Variants in WDR70 observed in about 807,000 individuals in gnomAD.
The protein encoded by WDR70 is WD repeat domain 70, also known as WD repeat-containing protein 70.
A neutral mutation model predicts 88.6 loss-of-function variants in WDR70; 53 were observed. That is an observed-to-expected ratio of 0.60 (90% CI 0.48 to 0.75). The LOEUF (loss-of-function observed/expected upper bound fraction) is 0.75, where lower values mean the gene tolerates loss of function less well. Among genes scored for constraint, WDR70 ranks in the 30% least tolerant of loss-of-function variants. The probability of loss-of-function intolerance (pLI) is 0.00; values close to 1 mark genes in which losing one functional copy is unlikely to be tolerated. For synonymous variants in WDR70, 280 were observed against 270.0 expected, an observed-to-expected ratio of 1.04 and a Z score of -0.36; for missense variants, 610 against 823.2, an observed-to-expected ratio of 0.74 and a Z score of 3.17.
intron 9 of WDR70, among the ~76,000 whole-genome samples, chr5:37,520,911 G>A (rs1741065636): frequency 6.6e-6 from 1 of 152,212 alleles, no homozygotes; most frequent in South Asian, 2.1e-4. Flanking sequence ...GAGAGACTTT[G>A]TGCAGTGTCT....
intron 10 of WDR70, among the ~76,000 whole-genome samples, chr5:37,634,281 A>G (rs1242003389): frequency 6.9e-6 from 1 of 144,884 alleles, no homozygotes; most frequent in Admixed American, 7.3e-5. Context: ...CCTGGGCGAC[A>G]GTGTGGGACC....
chr5:37,540,887 AT>A, intron 9 of WDR70, among the ~76,000 whole-genome samples: 1 of 152,174 alleles, frequency 6.6e-6, no homozygotes, highest in South Asian at 2.1e-4. Flanking sequence ...TTGATATTTT[AT>A]TTTTTTAAAA....
chr5:37,437,789 C>T (rs1272218023), intron 5 of WDR70, 133 bp from the exon 6 acceptor site: 15 of 756,636 alleles, frequency 2.0e-5, no homozygotes, highest in Middle Eastern at 2.8e-4. Context: ...CACTTTTTTG[C>T]TGTTTTTTTA....
chr5:37,723,440 G>T (rs1747883698), intron 15 of WDR70: 1 of 153,408 alleles, frequency 6.5e-6, no homozygotes, highest in African/African-American at 2.4e-5. Context: ...CCTGGGGTAT[G>T]AGTAGAAAGC....
chr5:37,675,671 G>A (rs1284391779), intron 10 of WDR70, among the ~76,000 whole-genome samples: 3 of 152,148 alleles, frequency 2.0e-5, no homozygotes, highest in Admixed American at 2.0e-4. Flanking sequence ...GTAGCGTGAT[G>A]CCTCCAGCTT....
Position 37,693,912 on chromosome 5 carries a change from C to G in WDR70, c.1093-3743C>G, listed in dbSNP as rs1023199228. ...CAAAAGAAACTACCATCAGAGTGAA[C>G]AGGCAACCTACAAAATGGGAGAAAA... On this transcript the variant is annotated intron_variant, in intron 10 of 17. Transcript: ENST00000265107. Among the ~76,000 whole-genome samples, 3 of 152,318 alleles carry G rather than the reference C, an allele frequency of 2.0e-5. No individual in the cohort carries two copies. The South Asian group carries it at 6.2e-4, about 32-fold the overall frequency.
intron 13 of WDR70, among the ~76,000 whole-genome samples, chr5:37,710,387 A>C (rs1747473928): frequency 6.6e-6 from 1 of 151,930 alleles, no homozygotes; most frequent in Non-Finnish European, 1.5e-5. Flanking sequence ...CCAACTCCTA[A>C]GCCCTGGCAT....
Position 37,752,653 on chromosome 5 carries a change from T to G in WDR70, c.*80T>G, listed in dbSNP as rs1212820799. ...GGTTTTTTTTTTATGCTCATGAAAT[T>G]AAAAATTCATTTTTATGAACAGGTT... On this transcript the variant is annotated 3_prime_UTR_variant, in exon 18 of 18. Coordinates refer to ENST00000265107, the MANE Select transcript of WDR70 (RefSeq NM_018034.4). The G allele has an allele frequency of 3.9e-6, 4 of 1,016,840 alleles. No individual in the cohort carries two copies. Among genetic ancestry groups the G allele is most frequent in the Non-Finnish European group, 5.8e-6 (4 of 685,854 alleles). The allele number at this position is 1,016,840 out of a possible 1,614,324, so 63.0% of individuals were successfully genotyped here.
chr5:37,557,924 A>AAGAGTACTCTTTTGAATACTCTTCAAT, intron 9 of WDR70, among the ~76,000 whole-genome samples: 1 of 135,668 alleles, frequency 7.4e-6, no homozygotes, highest in African/African-American at 2.6e-5. Flanking sequence ...AACTCTTCAA[A>AAGAGTACTCTTTTGAATACTCTTCAAT]AGAGTACTCT....
intron 9 of WDR70, among the ~76,000 whole-genome samples, chr5:37,529,658 T>G (rs1208572694): frequency 6.6e-6 from 1 of 152,176 alleles, no homozygotes; most frequent in African/African-American, 2.4e-5. Flanking sequence ...AGCTACTGAT[T>G]TGTGTACATT....
At chr5:37,711,507 A>G (rs568487750) in intron 13 of WDR70, among the ~76,000 whole-genome samples, 1 of 152,270 alleles carries the variant, frequency 6.6e-6, no homozygotes, top group East Asian at 1.9e-4. Context: ...TCTGGTCCTC[A>G]TGGAGTTGGA....
chr5:37,697,572 A>G, intron 10 of WDR70, 83 bp from the exon 11 acceptor site: 4 of 1,094,136 alleles, frequency 3.7e-6, no homozygotes, highest in South Asian at 1.3e-5. Context: ...TTTCATCGTA[A>G]TAAAGTGAAA....
intron 8 of WDR70, among the ~76,000 whole-genome samples, chr5:37,494,512 A>G (rs879838012): frequency 6.6e-6 from 1 of 152,220 alleles, no homozygotes; most frequent in Non-Finnish European, 1.5e-5. Context: ...TAGATTCAAC[A>G]AAAGGACACT....
chr5:37,668,039 C>A (rs1231998301), intron 10 of WDR70, among the ~76,000 whole-genome samples: 1 of 151,968 alleles, frequency 6.6e-6, no homozygotes, highest in Admixed American at 6.6e-5. Context: ...TGGCTGTAGT[C>A]CCCTAATATG....
rs1738533627 is a variant in WDR70 at position 37,447,475 on chromosome 5, G to A, written c.686+4103G>A. On this transcript the variant is annotated intron_variant, in intron 7 of 17. Transcript: ENST00000265107. ...GGATTATAAATCATGCTGCCAAAAA[G>A]ACAAATGCACACGTATGTTTATTGT... Among the ~76,000 whole-genome samples the A allele has an allele frequency of 2.0e-5, 3 of 152,244 alleles. No homozygotes were observed. In the South Asian group the frequency reaches 6.2e-4, roughly 32 times the overall value.
At chr5:37,514,966 T>C (rs1478923445) in intron 8 of WDR70, among the ~76,000 whole-genome samples, 4 of 147,932 alleles carry the variant, frequency 2.7e-5, no homozygotes, top group African/African-American at 1.0e-4. Context: ...CAGTAAGCTG[T>C]GAACATGCCA....
At chr5:37,390,340 A>ATTT (rs11392764) in intron 3 of WDR70, among the ~76,000 whole-genome samples, 14 of 138,178 alleles carry the variant, frequency 1.0e-4, no homozygotes, top group East Asian at 4.2e-4. Flanking sequence ...TATAATATAA[A>ATTT]TTTTTTTTTT....
rs553591608 is a variant in WDR70, at chr5:37,623,959, G to A, written c.1092+18721G>A. On this transcript the variant is annotated intron_variant, in intron 10 of 17. Transcript: ENST00000265107. Reference sequence around the variant, plus strand: ...AATTGATCCTTTCCTTCACTTCACTGTTACGTTTTATTTGATACATATAAT... The same window carrying A: ...AATTGATCCTTTCCTTCACTTCACTATTACGTTTTATTTGATACATATAAT... Among the ~76,000 whole-genome samples the A allele has an allele frequency of 3.9e-5, 6 of 152,074 alleles. No individual in the cohort carries two copies. In the East Asian group the frequency reaches 9.7e-4, roughly 24 times the overall value.
In WDR70 at chr5:37,650,538, AC is replaced by A. The variant is rs1185042535; in HGVS notation, c.1092+45301del. 1.4e-4 allele frequency among the ~76,000 whole-genome samples: 22 copies of A among 152,314 alleles called. 2 individuals carry two copies. The highest frequency in any genetic ancestry group is 4.3e-4 in the African/African-American group (18 of 41,584). On this transcript the variant is annotated intron_variant, in intron 10 of 17. Transcript: ENST00000265107. ...ATTAATGAAAAAATAGGAAGTCAAG[AC>A]TGGGAGATGCTTTGGAAGTAAAAAT...
Sources: allele counts gnomAD v4.1 joint callset (sites outside exome capture counted in the v4.1 genomes callset), GRCh38; gene constraint gnomAD v4.1.1; transcripts MANE v1.5; gene names NCBI Gene and HGNC (gene_info 2026-07-23, HGNC 2026-07-21).